The following CUX1 variants were observed in gnomAD, a reference collection of about 807,000 sequenced individuals.
CUX1 encodes protein CASP.
In CUX1, 31 loss-of-function variants were observed where a neutral mutation model predicts 158.8. The ratio of observed to expected loss-of-function variants is 0.20; its 90% CI spans 0.15 to 0.26. CUX1 has a LOEUF of 0.26. Ranked by LOEUF, CUX1 falls within the 10% of genes least tolerant of loss-of-function variation. The pLI is 1.00. For synonymous variants in CUX1, 879 were observed against 862.1 expected (o/e 1.02, Z -0.34); for missense variants, 1,589 against 2,014.6 (o/e 0.79, Z 4.04).
intron 12 of CUX1, among the ~76,000 whole-genome samples, chr7:102,191,540 ACCTT>A (rs1794277027): frequency 6.6e-6 from 1 of 151,718 alleles, no homozygotes; most frequent in South Asian, 2.1e-4. Context: ...TACCTGGTTA[ACCTT>A]CTCTACCTGC....
chr7:101,981,363 G>A (rs913962781), intron 2 of CUX1, among the ~76,000 whole-genome samples: 2 of 152,048 alleles, frequency 1.3e-5, no homozygotes, highest in East Asian at 1.9e-4. Flanking sequence ...TGAAAGAGTG[G>A]CTGGCATGTA....
At chr7:101,872,315 G>T (rs981645104) in intron 1 of CUX1, among the ~76,000 whole-genome samples, 4 of 151,812 alleles carry the variant, frequency 2.6e-5, no homozygotes, top group Admixed American at 2.6e-4. Context: ...TGTATTTTTA[G>T]TAGAGACGGG....
At position 102,140,759 on chromosome 7, in the gene CUX1, G is replaced by A. The variant is rs1554499981; in HGVS notation, c.675-17801G>A. 2.0e-5 allele frequency among the ~76,000 whole-genome samples: 3 copies of A among 152,024 alleles called. No homozygotes were observed. In the South Asian group the frequency reaches 6.2e-4, roughly 32 times the overall value. On this transcript the variant is annotated intron_variant, in intron 8 of 23. Coordinates refer to ENST00000292535, the MANE Select transcript of CUX1 (RefSeq NM_181552.4). Reference sequence around the variant, plus strand: ...GCACGCCTGTAATCCCAGCTATTGGGGAGGCTGAGGCAGGAGAATCTCTTG... The same window carrying A: ...GCACGCCTGTAATCCCAGCTATTGGAGAGGCTGAGGCAGGAGAATCTCTTG...
At chr7:101,937,004 C>T (rs1380819332) in intron 2 of CUX1, among the ~76,000 whole-genome samples, 2 of 152,186 alleles carry the variant, frequency 1.3e-5, no homozygotes, top group African/African-American at 4.8e-5. Flanking sequence ...GGCCTGGGGA[C>T]TTGCATTTAG....
chr7:102,022,037 G>A (rs1331137382), intron 2 of CUX1, among the ~76,000 whole-genome samples: 4 of 152,168 alleles, frequency 2.6e-5, no homozygotes, highest in Non-Finnish European at 5.9e-5. Context: ...TCCCTGGCAC[G>A]CGACTCTGGG....
In CUX1 at chr7:102,250,052, GAAAAAAAAAGAA is replaced by G. The variant is rs1801329677; in HGVS notation, c.*1020_*1031del. 1 of 917,882 alleles carries G rather than the reference GAAAAAAAAAGAA, an allele frequency of 1.1e-6. No individual in the cohort carries two copies. Among genetic ancestry groups the G allele is most frequent in the Non-Finnish European group, 1.3e-6 (1 of 795,300 alleles). 56.9% of individuals were successfully genotyped at this position (917,882 alleles called of 1,614,324 possible). ...CTAGGCCAAATCAGGACAAAAAAAA[GAAAAAAAAAGAA>G]AAAAAAAAAAGAAAAGATCCGAATC... On this transcript the variant is annotated 3_prime_UTR_variant, in exon 24 of 24. Transcript: ENST00000292535.
At chr7:101,913,624 G>T (rs987209677) in intron 1 of CUX1, among the ~76,000 whole-genome samples, 2 of 152,096 alleles carry the variant, frequency 1.3e-5, no homozygotes, top group African/African-American at 4.8e-5. Flanking sequence ...AGAAGTTGGG[G>T]GTCGGGGCTG....
chr7:102,108,855 A>G (rs1257134898), intron 6 of CUX1, among the ~76,000 whole-genome samples: 1 of 151,694 alleles, frequency 6.6e-6, no homozygotes, highest in African/African-American at 2.4e-5. Context: ...CCTGGGTTCA[A>G]GCAATTCTCC....
chr7:102,010,943 C>A (rs1214391970), intron 2 of CUX1, among the ~76,000 whole-genome samples: 1 of 151,926 alleles, frequency 6.6e-6, no homozygotes, highest in Non-Finnish European at 1.5e-5. Context: ...AAACCCCCAT[C>A]TCTACTAAAA....
chr7:101,946,567 AG>A (rs1808404449), intron 2 of CUX1, among the ~76,000 whole-genome samples: 2 of 128,202 alleles, frequency 1.6e-5, no homozygotes, highest in Admixed American at 7.8e-5. Flanking sequence ...AAAAAAAAAG[AG>A]AGAAGGGTTT....
chr7:101,986,619 T>C (rs1275188143), intron 2 of CUX1, among the ~76,000 whole-genome samples: 4 of 152,200 alleles, frequency 2.6e-5, no homozygotes, highest in Non-Finnish European at 5.9e-5. Context: ...CTGAGCCCTT[T>C]TCCCGTGGGC....
intron 3 of CUX1, among the ~76,000 whole-genome samples, chr7:102,046,782 C>T (rs73405970): frequency 0.016 from 2,420 of 151,728 alleles, 56 homozygotes; most frequent in African/African-American, 0.054. Flanking sequence ...GGGCTTGCTA[C>T]GTTGCCCAAG....
intron 1 of CUX1, among the ~76,000 whole-genome samples, chr7:101,872,722 A>C (rs924455933): frequency 6.6e-6 from 1 of 152,096 alleles, no homozygotes; most frequent in Admixed American, 6.6e-5. Flanking sequence ...CTTCTAGGTT[A>C]AAGTTTTCAA....
At chr7:101,895,791 C>A (rs1216076529) in intron 1 of CUX1, among the ~76,000 whole-genome samples, 1 of 151,730 alleles carries the variant, frequency 6.6e-6, no homozygotes, top group East Asian at 1.9e-4. Context: ...GAGAAGTTGT[C>A]ACATTTGCCT....
At chr7:102,178,200 C>T (rs1446537206) in intron 10 of CUX1, among the ~76,000 whole-genome samples, 2 of 152,218 alleles carry the variant, frequency 1.3e-5, no homozygotes, top group African/African-American at 2.4e-5. Context: ...TTGCACCCAG[C>T]CTGGACTTTC....
At chr7:102,172,407 G>A (rs969395785) in intron 10 of CUX1, among the ~76,000 whole-genome samples, 25 of 152,014 alleles carry the variant, frequency 1.6e-4, no homozygotes, top group African/African-American at 6.0e-4. Flanking sequence ...CTGGAATGCA[G>A]TGGAGTGATC....
chr7:102,103,703 G>T (rs1182799385), intron 5 of CUX1, among the ~76,000 whole-genome samples: 1 of 151,878 alleles, frequency 6.6e-6, no homozygotes, highest in African/African-American at 2.4e-5. Flanking sequence ...CTAAAGTTCT[G>T]GGATTACAGA....
chr7:102,092,915 A>G (rs75455489), intron 4 of CUX1, among the ~76,000 whole-genome samples: 1 of 75,462 alleles, frequency 1.3e-5, no homozygotes, highest in Non-Finnish European at 2.6e-5. Context: ...TCCGTCTCAA[A>G]AAAAAAAAAA....
intron 1 of CUX1, among the ~76,000 whole-genome samples, chr7:101,891,998 T>C (rs1162894683): frequency 6.6e-6 from 1 of 152,190 alleles, no homozygotes; most frequent in African/African-American, 2.4e-5. Flanking sequence ...CTGGAAACCC[T>C]GTGTGGGTAA....
Sources: allele counts gnomAD v4.1 joint callset (sites outside exome capture counted in the v4.1 genomes callset), GRCh38; gene constraint gnomAD v4.1.1; transcripts MANE v1.5; gene names NCBI Gene and HGNC (gene_info 2026-07-23, HGNC 2026-07-21).